Variants in LIN54 observed in about 807,000 individuals in gnomAD.
LIN54 encodes the protein lin-54 DREAM MuvB core complex component.
A neutral mutation model predicts 78.7 loss-of-function variants in LIN54; 9 were observed. The ratio of observed to expected loss-of-function variants is 0.11; its 90% confidence interval spans 0.07 to 0.20. LIN54 has a LOEUF of 0.20. Among genes scored for constraint, LIN54 ranks in the 10% least tolerant of loss-of-function variants. The pLI is 1.00. For synonymous variants in LIN54, 269 were observed against 318.4 expected (o/e 0.84, Z 1.65); for missense variants, 573 against 889.9 (o/e 0.64, Z 4.53).
intron 1 of LIN54, among the ~76,000 whole-genome samples, chr4:82,988,243 T>C (rs1276247830): frequency 6.6e-6 from 1 of 152,218 alleles, no homozygotes. Flanking sequence ...CAGAACTTCA[T>C]TTAAATTGAA....
rs1332479225 is a variant in LIN54 at position 82,925,663 on chromosome 4, A to T, written c.*2439T>A. 1 of 152,682 alleles carries T rather than the reference A, an allele frequency of 6.5e-6. No individual in the cohort carries two copies. Among genetic ancestry groups the T allele is most frequent in the African/African-American group, 2.4e-5 (1 of 41,470 alleles). The allele number at this position is 152,682 out of a possible 1,614,324, so 9.5% of individuals were successfully genotyped here. On this transcript the variant is annotated 3_prime_UTR_variant, in exon 13 of 13. Transcript: ENST00000340417. ...AGATAATTTAAAAGGTTTTTTGCAT[A>T]TTAAATGGTTAATAAAGTGGTGTTA...
chr4:82,947,223 A>AT (rs1339545376), intron 4 of LIN54, among the ~76,000 whole-genome samples: 5 of 17,516 alleles, frequency 2.9e-4, no homozygotes, highest in African/African-American at 7.0e-4. Flanking sequence ...ATATATATAT[A>AT]TATATATATA....
chr4:83,001,016 C>T (rs1728718908), intron 1 of LIN54, among the ~76,000 whole-genome samples: 4 of 151,668 alleles, frequency 2.6e-5, no homozygotes. Context: ...TGGGGTTCTG[C>T]CATGTTGGCC....
At chr4:82,967,988 G>A (rs1027307239) in intron 4 of LIN54, among the ~76,000 whole-genome samples, 3 of 151,710 alleles carry the variant, frequency 2.0e-5, no homozygotes, top group African/African-American at 7.3e-5. Flanking sequence ...GCTTTTGACT[G>A]TACATTTCAC....
rs144052403 is a variant in LIN54, at chr4:82,959,726, A to C, written c.951+10601T>G. ...TACTTCTTGTGTCCACAGATATTACATGTAGCTAGAGTAAGAACTCAGCAA... is the reference window on the plus strand; with the variant it reads ...TACTTCTTGTGTCCACAGATATTACCTGTAGCTAGAGTAAGAACTCAGCAA... On this transcript the variant is annotated intron_variant, in intron 4 of 12. Transcript: ENST00000340417. Among the ~76,000 whole-genome samples, 7 of 152,320 alleles carry C rather than the reference A, an allele frequency of 4.6e-5. No individual in the cohort carries two copies. The East Asian group carries it at 1.3e-3, about 29-fold the overall frequency.
At chr4:82,982,635 G>A (rs1328228713) in intron 2 of LIN54, among the ~76,000 whole-genome samples, 1 of 152,190 alleles carries the variant, frequency 6.6e-6, no homozygotes, top group Non-Finnish European at 1.5e-5. Context: ...ATGCTTGATG[G>A]TGATAAGATA....
chr4:82,950,967 T>C (rs1339921293), intron 4 of LIN54, among the ~76,000 whole-genome samples: 1 of 152,158 alleles, frequency 6.6e-6, no homozygotes, highest in African/African-American at 2.4e-5. Context: ...TACAGAGATA[T>C]AGCTTAACCA....
In LIN54 at chr4:83,010,780, C is replaced by T. The variant is rs538870582; in HGVS notation, c.-329G>A. 50 of 1,234,758 alleles carry T rather than the reference C, an allele frequency of 4.0e-5. No homozygotes were observed. The African/African-American group carries it at 6.7e-4, about 16-fold the overall frequency. 76.5% of individuals were successfully genotyped at this position (1,234,758 alleles called of 1,614,324 possible). On this transcript the variant is annotated 5_prime_UTR_variant, in exon 1 of 13. Coordinates refer to ENST00000340417, the MANE Select transcript of LIN54 (RefSeq NM_194282.4). ...CACCATCACAGCTCAGCAGCTTCCC[C>T]GACAGCCGGAGCCCGGGCCGCCGCC...
intron 2 of LIN54, among the ~76,000 whole-genome samples, chr4:82,982,213 A>T (rs574471955): frequency 6.6e-6 from 1 of 152,020 alleles, no homozygotes; most frequent in African/African-American, 2.4e-5. Flanking sequence ...CTAATTTATG[A>T]TATCTTTTCC....
chr4:82,962,040 C>A (rs1724843655), intron 4 of LIN54, among the ~76,000 whole-genome samples: 1 of 152,034 alleles, frequency 6.6e-6, no homozygotes, highest in East Asian at 1.9e-4. Context: ...GAGTATTTAC[C>A]CACCATAAGA....
chr4:82,935,872 T>G, intron 11 of LIN54, 109 bp downstream of exon 11: 1 of 1,112,416 alleles, frequency 9.0e-7, no homozygotes, highest in East Asian at 2.4e-5. Context: ...TGTGCATATT[T>G]TCAAATTGCA....
intron 4 of LIN54, among the ~76,000 whole-genome samples, chr4:82,954,733 T>G (rs1724145101): frequency 6.6e-6 from 1 of 152,090 alleles, no homozygotes; most frequent in Non-Finnish European, 1.5e-5. Flanking sequence ...TCAACTGACC[T>G]CTAACAAAGC....
intron 1 of LIN54, among the ~76,000 whole-genome samples, chr4:82,987,430 C>CG (rs1483456883): frequency 1.2e-4 from 19 of 152,198 alleles, no homozygotes; most frequent in Middle Eastern, 3.4e-3. Context: ...AAAAAACAAA[C>CG]GGGATACATG....
At chr4:82,973,683 G>A (rs769893199) in intron 3 of LIN54, among the ~76,000 whole-genome samples, 1 of 152,166 alleles carries the variant, frequency 6.6e-6, no homozygotes, top group Non-Finnish European at 1.5e-5. Flanking sequence ...GTGTGATAAT[G>A]AGAACCTCTA....
chr4:82,936,402 TA>T (rs1424160848), intron 9 of LIN54, 21 bp from the exon 10 acceptor site: 4 of 1,372,872 alleles, frequency 2.9e-6, no homozygotes, highest in Non-Finnish European at 3.0e-6. Flanking sequence ...AAAGTCAGTA[TA>T]AGGTAAAAAG....
rs115246515 is a variant in LIN54, at chr4:82,953,427, T to C, written c.952-6953A>G. Among the ~76,000 whole-genome samples, 756 of 152,290 alleles carry C rather than the reference T, an allele frequency of 5.0e-3. 9 individuals carry two copies. The highest frequency in any genetic ancestry group is 0.017 in the African/African-American group (697 of 41,558). Reference sequence around the variant, plus strand: ...CACTGAACTGTATAATTTAAAAAGATGGTACATCCTATATTACGTATATTT... The same window carrying C: ...CACTGAACTGTATAATTTAAAAAGACGGTACATCCTATATTACGTATATTT... On this transcript the variant is annotated intron_variant, in intron 4 of 12. Coordinates refer to ENST00000340417, the MANE Select transcript of LIN54 (RefSeq NM_194282.4).
At chr4:82,930,786 T>C (rs1340318742) in intron 12 of LIN54, among the ~76,000 whole-genome samples, 157 bp downstream of exon 12, 2 of 152,190 alleles carry the variant, frequency 1.3e-5, no homozygotes, top group Non-Finnish European at 2.9e-5. Context: ...TGGTTTCTGT[T>C]ACCTTTAAAT....
chr4:82,973,119 G>T (rs1177273137), intron 3 of LIN54, among the ~76,000 whole-genome samples: 1 of 152,054 alleles, frequency 6.6e-6, no homozygotes, highest in Non-Finnish European at 1.5e-5. Flanking sequence ...TGTGGCCTAC[G>T]TTTTTTAAAA....
At chr4:82,957,522 C>G (rs900254171) in intron 4 of LIN54, among the ~76,000 whole-genome samples, 1 of 152,202 alleles carries the variant, frequency 6.6e-6, no homozygotes, top group African/African-American at 2.4e-5. Flanking sequence ...TCCATTCCCT[C>G]CAAAGCATTT....
Sources: gnomAD v4.1 joint callset for allele counts (sites outside exome capture counted in the v4.1 genomes callset) on GRCh38, gnomAD v4.1.1 for gene constraint, MANE v1.5 for transcripts, NCBI Gene and HGNC (gene_info 2026-07-23, HGNC 2026-07-21) for gene names.